The following AP3D1 variants were observed in gnomAD, a reference collection of about 807,000 sequenced individuals.
AP3D1 encodes AP-3 complex subunit delta-1.
Under a neutral mutation model 147.6 loss-of-function variants are expected in AP3D1, and 51 were observed. That is an observed-to-expected ratio of 0.35 (90% confidence interval 0.28 to 0.44). The LOEUF (loss-of-function observed/expected upper bound fraction) is 0.44, where lower values mean the gene tolerates loss of function less well. Among genes scored for constraint, AP3D1 ranks in the 20% least tolerant of loss-of-function variants. The pLI, the probability that AP3D1 is intolerant of heterozygous loss-of-function variation, is 1.00. For missense variants in AP3D1, 1,421 were observed against 1,624.2 expected, an observed-to-expected ratio of 0.87 and a Z score of 2.15; for synonymous variants, 760 against 663.0, an observed-to-expected ratio of 1.15 and a Z score of -2.25.
intron 31 of AP3D1, among the ~76,000 whole-genome samples, chr19:2,102,600 T>C (rs887718000): frequency 1.3e-5 from 2 of 151,724 alleles, no homozygotes; most frequent in African/African-American, 2.4e-5. Context: ...GGGTGGCGGG[T>C]GCCTGTAGTC....
chr19:2,146,688 A>G (rs1438662373), intron 1 of AP3D1, among the ~76,000 whole-genome samples: 2 of 152,072 alleles, frequency 1.3e-5, no homozygotes. Context: ...GGGAAAACAA[A>G]GCACATTTAG....
At chr19:2,120,151 T>C (rs371654397) in intron 14 of AP3D1, among the ~76,000 whole-genome samples, 19 of 151,992 alleles carry the variant, frequency 1.3e-4, no homozygotes, top group African/African-American at 1.9e-4. Context: ...CAGTGAGGCA[T>C]AGCAGCAAAT....
intron 26 of AP3D1, 131 bp downstream of exon 26, chr19:2,111,154 C>T (rs185616161): frequency 8.2e-6 from 10 of 1,224,852 alleles, no homozygotes; most frequent in South Asian, 1.4e-5. Context: ...CCAAGCAACG[C>T]CCCTGCCAGG....
rs557481265 is a variant in AP3D1 at position 2,138,223 on chromosome 19, G to T, written c.192+396C>A. 3.9e-5 allele frequency among the ~76,000 whole-genome samples: 6 copies of T among 152,274 alleles called. No homozygotes were observed. In the East Asian group the frequency reaches 1.2e-3, roughly 29 times the overall value. The stretch of plus-strand genomic sequence containing the variant: ...GGAGGAGTGCCTGTCCCCAGCTCAC[G>T]CACTGACCTGGAACTGCAGCCAGGA... On this transcript the variant is annotated intron_variant, in intron 2 of 31. Transcript: ENST00000643116.
upstream of AP3D1, among the ~76,000 whole-genome samples, chr19:2,153,235 G>A (rs1252114444): frequency 2.7e-5 from 4 of 150,744 alleles, no homozygotes; most frequent in Non-Finnish European, 5.9e-5. Flanking sequence ...TTAGCCAGAC[G>A]TGGTGGAGGG....
intron 4 of AP3D1, 126 bp downstream of exon 4, chr19:2,136,885 G>T: frequency 2.3e-6 from 2 of 856,944 alleles, no homozygotes; most frequent in Non-Finnish European, 3.7e-6. Flanking sequence ...GGCTCCGGAA[G>T]CCCCGCTCGC....
rs974716417 is a variant in AP3D1 at position 2,113,117 on chromosome 19, A to G, written c.2680-150T>C. Reference sequence around the variant, plus strand: ...CCCTCCGAGTGACAGGGAGCCTGTGAGCACAGAGGCCCTGGCTGTCCTCCC... The same window carrying G: ...CCCTCCGAGTGACAGGGAGCCTGTGGGCACAGAGGCCCTGGCTGTCCTCCC... On this transcript the variant is annotated intron_variant, in intron 23 of 31. Transcript: ENST00000643116. The G allele has an allele frequency of 4.2e-5, 27 of 647,794 alleles. No homozygotes were observed. The African/African-American group carries it at 5.0e-4, about 12-fold the overall frequency. 40.1% of individuals were successfully genotyped at this position (647,794 alleles called of 1,614,324 possible).
intron 4 of AP3D1, among the ~76,000 whole-genome samples, chr19:2,134,637 T>C (rs1053414639): frequency 2.6e-5 from 4 of 151,234 alleles, no homozygotes; most frequent in African/African-American, 9.7e-5. Flanking sequence ...AGTCTCGCTC[T>C]GTCACCCAGG....
At position 2,121,005 on chromosome 19, in the gene AP3D1, G is replaced by C; in HGVS notation, c.1338C>G (p.Ile446Met). 6.2e-7 allele frequency: 1 copy of C among 1,612,368 alleles called. No homozygotes were observed. Among genetic ancestry groups the C allele is most frequent in the Non-Finnish European group, 8.5e-7 (1 of 1,179,986 alleles). The part of the protein sequence containing the change: ...LIAAQMLDVA[I>M]RVKAIRKFAV... ...CGAACTTGCGGATGGCCTTCACGCG[G>C]ATGGCCACGTCCAGCATTTGGGCGG... Residue 446 changes from isoleucine (I) to methionine (M), a missense_variant, in exon 14 of 32, where the codon ATC (isoleucine) becomes ATG (methionine). Around this residue, in one of 6 missense-constraint regions of AP3D1, gnomAD observed 310 missense variants for 388.1 expected, o/e 0.80. Transcript: ENST00000643116.
intron 9 of AP3D1, among the ~76,000 whole-genome samples, chr19:2,126,820 G>C (rs1377469252): frequency 6.6e-6 from 1 of 152,146 alleles, no homozygotes; most frequent in Admixed American, 6.5e-5. Flanking sequence ...GCAGGGGCCG[G>C]CATCTGTGGA....
Position 2,120,108 on chromosome 19 carries a change from C to A in AP3D1, c.1481+754G>T, listed in dbSNP as rs1019774307. Among the ~76,000 whole-genome samples, 21 of 152,154 alleles carry A rather than the reference C, an allele frequency of 1.4e-4. No individual in the cohort carries two copies. The South Asian group carries it at 1.4e-3, about 11-fold the overall frequency. On this transcript the variant is annotated intron_variant, in intron 14 of 31. Coordinates refer to ENST00000643116, the MANE Select transcript of AP3D1 (RefSeq NM_001261826.3). ...TGTGGCCGTGATGAGCAGCAGGTAG[C>A]GGCCAGTGGTGGTGATGGGGCCGGG...
intron 11 of AP3D1, 96 bp downstream of exon 11, chr19:2,123,262 A>C: frequency 8.0e-7 from 1 of 1,246,486 alleles, no homozygotes; most frequent in Admixed American, 1.9e-5. Flanking sequence ...CTGGGGTTGC[A>C]GATGCCGTGT....
At chr19:2,114,027 G>A in intron 22 of AP3D1, 98 bp downstream of exon 22, 4 of 1,468,016 alleles carry the variant, frequency 2.7e-6, no homozygotes, top group Non-Finnish European at 3.6e-6. Context: ...GCCTGACTCA[G>A]ACTCACAGCC....
chr19:2,154,423 G>A (rs1377890837), upstream of AP3D1, among the ~76,000 whole-genome samples: 1 of 151,588 alleles, frequency 6.6e-6, no homozygotes, highest in Non-Finnish European at 1.5e-5. Context: ...GGGACTACAG[G>A]CGCTCGCCAC....
chr19:2,117,444 C>T, intron 15 of AP3D1, 77 bp from the exon 16 acceptor site: 4 of 1,446,428 alleles, frequency 2.8e-6, no homozygotes, highest in Non-Finnish European at 3.6e-6. Context: ...CGGGGTGGCT[C>T]AGCCCCTGGC....
intron 1 of AP3D1, among the ~76,000 whole-genome samples, chr19:2,144,721 G>T (rs1207949674): frequency 6.6e-6 from 1 of 152,100 alleles, no homozygotes; most frequent in East Asian, 1.9e-4. Context: ...TGGTCAACAT[G>T]GTGAAACACC....
intron 8 of AP3D1, among the ~76,000 whole-genome samples, chr19:2,128,171 T>G (rs1171492143): frequency 2.0e-5 from 3 of 152,100 alleles, no homozygotes; most frequent in Non-Finnish European, 2.9e-5. Context: ...CCTCAGCACT[T>G]GGTCTGAGGA....
chr19:2,161,247 C>T (rs1231838629), intron 1 of AP3D1, among the ~76,000 whole-genome samples: 6 of 151,280 alleles, frequency 4.0e-5, no homozygotes, highest in East Asian at 1.9e-4. Context: ...CTGCCACCTC[C>T]GCCTCCCAGG....
At chr19:2,139,051 C>T (rs1204595211) in intron 1 of AP3D1, among the ~76,000 whole-genome samples, 1 of 120,528 alleles carries the variant, frequency 8.3e-6, no homozygotes, top group African/African-American at 3.2e-5. Flanking sequence ...GAGAGCCAGA[C>T]TCCGTCTCAA....
Sources: allele counts gnomAD v4.1 joint callset (sites outside exome capture counted in the v4.1 genomes callset), GRCh38; gene constraint gnomAD v4.1.1; regional missense constraint gnomAD v4.1.1; transcripts MANE v1.5; gene names NCBI Gene and HGNC (gene_info 2026-07-23, HGNC 2026-07-21).